Variants in IYD observed in about 807,000 individuals in gnomAD.
IYD encodes the protein iodotyrosine deiodinase 1.
In IYD, 25 loss-of-function variants were observed where a neutral mutation model predicts 28.4. The observed-to-expected ratio is 0.88, with a 90% CI of 0.64 to 1.23. The LOEUF (loss-of-function observed/expected upper bound fraction) is 1.23. Ranked by LOEUF, IYD falls within the 50% of genes most tolerant of loss-of-function variation. The pLI, the probability that IYD is intolerant of heterozygous loss-of-function variation, is 0.00. For synonymous variants in IYD, 140 were observed against 130.8 expected (o/e 1.07, Z -0.48); for missense variants, 352 against 357.9 (o/e 0.98, Z 0.13).
At chr6:150,371,545 C>T (rs1389361899) in intron 1 of IYD, among the ~76,000 whole-genome samples, 1 of 152,188 alleles carries the variant, frequency 6.6e-6, no homozygotes, top group Non-Finnish European at 1.5e-5. Flanking sequence ...GGGTCAGGTC[C>T]TGGGGCTGGG....
chr6:150,403,063 G>A lies in IYD; in HGVS notation c.*4826G>A, dbSNP rs1330560005. On this transcript the variant is annotated 3_prime_UTR_variant, in exon 5 of 5. Transcript: ENST00000344419. ...CCACCTTAGCTTCCCAGGTAGCTGG[G>A]ATACAGGTGCACGCCACCACACCCA... 1 of 152,146 alleles carries A rather than the reference G, an allele frequency of 6.6e-6. No homozygotes were observed. The highest frequency in any genetic ancestry group is 1.5e-5 in the Non-Finnish European group (1 of 68,038). 9.4% of individuals were successfully genotyped at this position (152,146 alleles called of 1,614,324 possible). A position where few individuals can be genotyped will look rare whatever the true frequency, so the allele number is the denominator to read the frequency against.
chr6:150,398,023 C>G, intron 4 of IYD, 32 bp from the exon 5 acceptor site: 2 of 1,609,382 alleles, frequency 1.2e-6, no homozygotes, highest in Non-Finnish European at 1.7e-6. Context: ...TGCCTGCTGA[C>G]TTTAAAATGC....
intron 3 of IYD, among the ~76,000 whole-genome samples, chr6:150,393,444 T>C (rs1044870226): frequency 1.3e-5 from 2 of 152,234 alleles, no homozygotes; most frequent in Non-Finnish European, 2.9e-5. Flanking sequence ...ACAAGTGAGT[T>C]TCGTGTGCTT....
intron 3 of IYD, among the ~76,000 whole-genome samples, chr6:150,393,286 C>A (rs975560609): frequency 2.0e-5 from 3 of 152,156 alleles, no homozygotes; most frequent in African/African-American, 7.2e-5. Flanking sequence ...CAGTGCAGAT[C>A]TTCTAAAGCG....
chr6:150,374,377 G>C (rs11756665), intron 1 of IYD, among the ~76,000 whole-genome samples: 28,733 of 152,104 alleles, frequency 0.19, 2,872 homozygotes, highest in East Asian at 0.26. Context: ...CAATAAACTG[G>C]GGAAACTTAG....
chr6:150,386,481 A>C (rs1409184839), intron 1 of IYD, among the ~76,000 whole-genome samples: 1 of 151,786 alleles, frequency 6.6e-6, no homozygotes, highest in African/African-American at 2.4e-5. Flanking sequence ...AGTCTGCTTA[A>C]AAAAAAATGT....
rs1778161440 is a variant in IYD, at chr6:150,392,536, C to A, written c.530+32C>A. On this transcript the variant is annotated intron_variant, in intron 3 of 4. Transcript: ENST00000344419. ...ACAGTGGTGGAACTGGGGATGTTTG[C>A]CTTGGCCTCTTAAAATAAAATCACC... 5 of 1,610,038 alleles carry A rather than the reference C, an allele frequency of 3.1e-6. No homozygotes were observed. The East Asian group carries it at 1.1e-4, about 36-fold the overall frequency.
At position 150,371,891 on chromosome 6, in the gene IYD, T is replaced by C. The variant is rs563988836; in HGVS notation, c.178+2682T>C. Among the ~76,000 whole-genome samples, 14 of 152,302 alleles carry C rather than the reference T, an allele frequency of 9.2e-5. No individual in the cohort carries two copies. In the East Asian group the frequency reaches 2.5e-3, roughly 27 times the overall value. The stretch of plus-strand genomic sequence containing the variant: ...ATGCCAAGGTCACACAGGTGACCAG[T>C]GAGAACCAATGCTTAAACTCAGGCT... On this transcript the variant is annotated intron_variant, in intron 1 of 4. Coordinates refer to ENST00000344419, the MANE Select transcript of IYD (RefSeq NM_203395.3).
At chr6:150,375,761 G>A (rs896747374) in intron 1 of IYD, among the ~76,000 whole-genome samples, 3 of 152,242 alleles carry the variant, frequency 2.0e-5, no homozygotes, top group East Asian at 1.9e-4. Flanking sequence ...AGGCATTGTC[G>A]GGGCAGATGC....
At chr6:150,387,828 T>C (rs957635074) in intron 1 of IYD, among the ~76,000 whole-genome samples, 1 of 152,064 alleles carries the variant, frequency 6.6e-6, no homozygotes, top group Non-Finnish European at 1.5e-5. Flanking sequence ...ATTTTTGCTG[T>C]TGTTTTTATT....
chr6:150,376,476 T>C (rs1218493474), intron 1 of IYD, among the ~76,000 whole-genome samples: 1 of 152,104 alleles, frequency 6.6e-6, no homozygotes, highest in African/African-American at 2.4e-5. Flanking sequence ...ATGAAGTTCC[T>C]TGAGCTTATG....
chr6:150,385,748 A>T (rs1777838947), intron 1 of IYD, among the ~76,000 whole-genome samples: 1 of 151,904 alleles, frequency 6.6e-6, no homozygotes, highest in African/African-American at 2.4e-5. Context: ...TTTCTATTGT[A>T]TCTGGACCTA....
chr6:150,384,961 GT>G (rs1777807412), intron 1 of IYD: 1 of 152,006 alleles, frequency 6.6e-6, no homozygotes, highest in Admixed American at 6.6e-5. Context: ...TTTCTCCTCA[GT>G]TTTGGCATTT....
At chr6:150,389,986 C>T (rs910761312) in intron 2 of IYD, among the ~76,000 whole-genome samples, 2 of 152,066 alleles carry the variant, frequency 1.3e-5, no homozygotes, top group Non-Finnish European at 2.9e-5. Flanking sequence ...ACAGTATTCT[C>T]ATTAACTAGC....
In IYD at chr6:150,405,684, TG is replaced by T; in HGVS notation, c.*7452del. On this transcript the variant is annotated 3_prime_UTR_variant, in exon 5 of 5. Coordinates refer to ENST00000344419, the MANE Select transcript of IYD (RefSeq NM_203395.3). ...CTCACTCATTCTCATGAGAATAACA[TG>T]GGGGAAACTGCCCCCATTATTCAAT... 6.6e-6 allele frequency: 1 copy of T among 152,262 alleles called. No individual in the cohort carries two copies. The highest frequency in any genetic ancestry group is 2.1e-4 in the South Asian group (1 of 4,816). 9.4% of individuals were successfully genotyped at this position (152,262 alleles called of 1,614,324 possible). A position where few individuals can be genotyped will look rare whatever the true frequency, so the allele number is the denominator to read the frequency against.
intron 2 of IYD, among the ~76,000 whole-genome samples, chr6:150,390,011 T>G (rs1778051111): frequency 1.3e-5 from 2 of 152,178 alleles, no homozygotes; most frequent in African/African-American, 4.8e-5. Context: ...TTTACTTATG[T>G]AAATTTGCAC....
chr6:150,380,079 C>T (rs533188540), intron 1 of IYD, among the ~76,000 whole-genome samples: 3 of 152,300 alleles, frequency 2.0e-5, no homozygotes, highest in Non-Finnish European at 4.4e-5. Context: ...AAAGTCACAT[C>T]TGTCTTGTTC....
At chr6:150,369,336 T>C (rs1777136597) in intron 1 of IYD, 127 bp downstream of exon 1, 1 of 877,038 alleles carries the variant, frequency 1.1e-6, no homozygotes, top group African/African-American at 1.7e-5. Context: ...ACCTCTATTG[T>C]GCTAATGAAT....
intron 1 of IYD, among the ~76,000 whole-genome samples, chr6:150,385,495 A>G (rs1004371615): frequency 3.5e-5 from 2 of 56,470 alleles, no homozygotes. Flanking sequence ...AATGTGATAA[A>G]AAAAAAAAGA....
Sources: gnomAD v4.1 joint callset for allele counts (sites outside exome capture counted in the v4.1 genomes callset) on GRCh38, gnomAD v4.1.1 for gene constraint, MANE v1.5 for transcripts, NCBI Gene and HGNC (gene_info 2026-07-23, HGNC 2026-07-21) for gene names.